IL6: variants seen among roughly 807,000 people sequenced by gnomAD.
IL6 encodes interleukin 6.
In IL6, 5 loss-of-function variants were observed where a neutral mutation model predicts 18.0. The observed-to-expected ratio is 0.28, with a 90% CI of 0.15 to 0.58. The LOEUF is 0.58. IL6 is among the 20% of genes least tolerant of loss of function. The probability of loss-of-function intolerance (pLI) is 0.90; values close to 1 mark genes in which losing one functional copy is unlikely to be tolerated. For missense variants in IL6, 266 were observed against 251.0 expected (o/e 1.06, Z -0.40); for synonymous variants, 97 against 95.1 (o/e 1.02, Z -0.12).
intron 4 of IL6, 29 bp downstream of exon 4, chr7:22,729,689 G>A (rs762738660): frequency 6.2e-7 from 1 of 1,614,086 alleles, no homozygotes; most frequent in South Asian, 1.1e-5. Flanking sequence ...CCTCAACTTG[G>A]TGTGGGGGAA....
intron 3 of IL6, 58 bp downstream of exon 3, chr7:22,728,864 C>A: frequency 1.1e-6 from 1 of 909,786 alleles, no homozygotes; most frequent in Non-Finnish European, 1.8e-6. Context: ...CTCCCTCTTG[C>A]ATGCAGTGCC....
intron 4 of IL6, 89 bp downstream of exon 4, chr7:22,729,749 T>C: frequency 6.2e-7 from 1 of 1,605,424 alleles, no homozygotes; most frequent in Non-Finnish European, 8.5e-7. Flanking sequence ...CAATGCCACT[T>C]CCAAAAGAGA....
intron 2 of IL6, 127 bp downstream of exon 2, chr7:22,727,761 C>T (rs991769605): frequency 1.0e-6 from 1 of 1,002,748 alleles, no homozygotes; most frequent in Admixed American, 3.2e-5. Flanking sequence ...AGATTTGAGG[C>T]CAACGGGGCC....
chr7:22,731,316 T>C (rs539757735), intron 4 of IL6, 90 bp from the exon 5 acceptor site: 1 of 1,043,978 alleles, frequency 9.6e-7, no homozygotes, highest in African/African-American at 1.6e-5. Flanking sequence ...ATTTCACATT[T>C]GAACATCATC....
At chr7:22,728,505 C>A (rs1474347) in intron 2 of IL6, 188 bp from the exon 3 acceptor site, 376,858 of 568,656 alleles carry the variant, frequency 0.66, 131,270 homozygotes, top group East Asian at 0.99. Context: ...CCTAAAGTCA[C>A]AGGTGAGCTT....
intron 4 of IL6, chr7:22,730,043 G>A (rs970776468): frequency 1.7e-5 from 17 of 985,390 alleles, no homozygotes; most frequent in Non-Finnish European, 2.0e-5. Context: ...TTTAGTCATT[G>A]CCAAGTGACA....
Position 22,727,607 on chromosome 7 carries a change from C to G in IL6, c.183C>G (p.Leu61=). The part of the protein sequence containing the change: ...ERIDKQIRYI[L]DGISALRKET... The stretch of plus-strand genomic sequence containing the variant: ...TTGACAAACAAATTCGGTACATCCT[C>G]GACGGCATCTCAGCCCTGAGAAAGG... The change falls in exon 2 of 5, where the codon CTC becomes CTG. Residue 61 remains leucine (L), a synonymous_variant. Coordinates refer to ENST00000258743, the MANE Select transcript of IL6 (RefSeq NM_000600.5). 1 of 1,565,406 alleles carries G rather than the reference C, an allele frequency of 6.4e-7. No homozygotes were observed. Among genetic ancestry groups the G allele is most frequent in the East Asian group, 2.2e-5 (1 of 44,516 alleles).
chr7:22,727,445 C>A lies in IL6; in HGVS notation c.21C>A (p.Ser7Arg), dbSNP rs199941251. 47 of 1,613,892 alleles carry A rather than the reference C, an allele frequency of 2.9e-5. No homozygotes were observed. Among genetic ancestry groups the A allele is most frequent in the Non-Finnish European group, 3.7e-5 (44 of 1,179,868 alleles). ...TGCGCTCGCTCCCCTCCGGCACAGG[C>A]GCCTTCGGTCCAGTTGCCTTCTCCC... MNSFSTSAFGPVAFSLG... is the reference protein window; with the variant it reads MNSFSTRAFGPVAFSLG... The change falls in exon 2 of 5, where the codon AGC (serine) becomes AGA (arginine). Residue 7 changes from serine to arginine, a missense_variant and splice_region_variant. Coordinates refer to ENST00000258743, the MANE Select transcript of IL6 (RefSeq NM_000600.5).
At position 22,728,703 on chromosome 7, in the gene IL6, A is replaced by T. The variant is rs746269216; in HGVS notation, c.221A>T (p.Lys74Met). Reference protein sequence around the residue: ...ISALRKETCNKSNMCESSKEA... With the variant: ...ISALRKETCNMSNMCESSKEA... ...GGTATTCTTTCCCAGACATGTAACA[A>T]GAGTAACATGTGTGAAAGCAGCAAA... The change falls in exon 3 of 5, where the codon AAG becomes ATG. Residue 74 changes from lysine to methionine, a missense_variant. Physicochemically the swap from Lys to Met is moderately conservative, Grantham distance 95. Transcript: ENST00000258743. 1.3e-6 allele frequency: 2 copies of T among 1,592,344 alleles called. No homozygotes were observed. Among genetic ancestry groups the T allele is most frequent in the East Asian group, 4.5e-5 (2 of 44,762 alleles).
intron 2 of IL6, 71 bp downstream of exon 2, chr7:22,727,705 G>A (rs1294749813): frequency 6.0e-6 from 9 of 1,500,140 alleles, no homozygotes; most frequent in Non-Finnish European, 6.2e-6. Context: ...CGTGTGGCCG[G>A]GGGCTGCCTG....
In IL6 at chr7:22,727,290, A is replaced by C. The variant is rs759723222; in HGVS notation, c.19+9A>C. On this transcript the variant is annotated intron_variant, in intron 1 of 4. Transcript: ENST00000258743. The stretch of plus-strand genomic sequence containing the variant: ...GAACTCCTTCTCCACAAGTAAGTGC[A>C]GGAAATCCTTAGCCCTGGAACTGCC... 1 of 1,613,990 alleles carries C rather than the reference A, an allele frequency of 6.2e-7. No individual in the cohort carries two copies. The highest frequency in any genetic ancestry group is 8.5e-7 in the Non-Finnish European group (1 of 1,180,012).
intron 4 of IL6, chr7:22,730,105 T>C: frequency 3.0e-6 from 3 of 985,252 alleles, no homozygotes; most frequent in Non-Finnish European, 3.6e-6. Context: ...TACCAGAGAG[T>C]TAGTTCAGAG....
Position 22,727,273 on chromosome 7 carries a change from TCTC to T in IL6, c.13_15del (p.Ser5del). 2.5e-6 allele frequency: 4 copies of T among 1,613,720 alleles called. No individual in the cohort carries two copies. Among genetic ancestry groups the T allele is most frequent in the Non-Finnish European group, 3.4e-6 (4 of 1,179,968 alleles). On this transcript the variant is annotated inframe_deletion, in exon 1 of 5. Coordinates refer to ENST00000258743, the MANE Select transcript of IL6 (RefSeq NM_000600.5). ...TCCAGGAGCCCAGCTATGAACTCCT[TCTC>T]CACAAGTAAGTGCAGGAAATCCTTA...
At chr7:22,729,734 G>A (rs758741386) in intron 4 of IL6, 74 bp downstream of exon 4, 12 of 1,610,194 alleles carry the variant, frequency 7.5e-6, no homozygotes, top group Admixed American at 1.7e-5. Flanking sequence ...GACAACTCAG[G>A]GATGCAATGC....
At position 22,727,651 on chromosome 7, in the gene IL6, A is replaced by G; in HGVS notation, c.210+17A>G. On this transcript the variant is annotated intron_variant, in intron 2 of 4. Transcript: ENST00000258743. Reference sequence around the variant, plus strand: ...AGAAAGGAGGTGGGTAGGCTTGGCGATGGGGTTGAAGGGCCCGGTGCGCAT... The same window carrying G: ...AGAAAGGAGGTGGGTAGGCTTGGCGGTGGGGTTGAAGGGCCCGGTGCGCAT... 1 of 1,534,826 alleles carries G rather than the reference A, an allele frequency of 6.5e-7. No homozygotes were observed. The highest frequency in any genetic ancestry group is 8.7e-7 in the Non-Finnish European group (1 of 1,143,662).
chr7:22,728,151 T>C (rs1309678543), intron 2 of IL6, among the ~76,000 whole-genome samples: 1 of 152,088 alleles, frequency 6.6e-6, no homozygotes, highest in Admixed American at 6.6e-5. Flanking sequence ...TGCAAGGTAT[T>C]TTGGTCCTGT....
At chr7:22,728,664 G>A (rs755806862) in intron 2 of IL6, 29 bp from the exon 3 acceptor site, 11 of 1,259,176 alleles carry the variant, frequency 8.7e-6, no homozygotes, top group South Asian at 1.2e-5. Flanking sequence ...GGACACTTAG[G>A]TGATAACAAT....
At chr7:22,727,754 T>C in intron 2 of IL6, 120 bp downstream of exon 2, 1 of 1,139,058 alleles carries the variant, frequency 8.8e-7, no homozygotes, top group Non-Finnish European at 1.2e-6. Flanking sequence ...GCACTGTAGA[T>C]TTGAGGCCAA....
chr7:22,731,520 C>T lies in IL6; in HGVS notation c.586C>T (p.Arg196Cys), dbSNP rs769825619. The change falls in exon 5 of 5, where the codon CGC (arginine) becomes TGC (cysteine). Residue 196 changes from arginine (R) to cysteine (C), a missense_variant. Transcript: ENST00000258743. Reference sequence around the variant, plus strand: ...GGACATGACAACTCATCTCATTCTGCGCAGCTTTAAGGAGTTCCTGCAGTC... The same window carrying T: ...GGACATGACAACTCATCTCATTCTGTGCAGCTTTAAGGAGTTCCTGCAGTC... ...LQDMTTHLILRSFKEFLQSSL... is the reference protein window; with the variant it reads ...LQDMTTHLILCSFKEFLQSSL... The T allele has an allele frequency of 5.6e-6, 9 of 1,610,706 alleles. No individual in the cohort carries two copies. Among genetic ancestry groups the T allele is most frequent in the East Asian group, 2.2e-5 (1 of 44,856 alleles).
Sources: allele counts gnomAD v4.1 joint callset (sites outside exome capture counted in the v4.1 genomes callset), GRCh38; gene constraint gnomAD v4.1.1; transcripts MANE v1.5; gene names NCBI Gene and HGNC (gene_info 2026-07-23, HGNC 2026-07-21).